The following FAM91A1 variants were observed in gnomAD, a reference collection of about 807,000 sequenced individuals.
The protein encoded by FAM91A1 is family with sequence similarity 91 member A1.
Under a neutral mutation model 113.5 loss-of-function variants are expected in FAM91A1, and 41 were observed. The ratio of observed to expected loss-of-function variants is 0.36; its 90% CI spans 0.28 to 0.47. The LOEUF is 0.47. FAM91A1 is among the 20% of genes least tolerant of loss of function. The pLI, the probability that FAM91A1 is intolerant of heterozygous loss-of-function variation, is 1.00. For synonymous variants in FAM91A1, 307 were observed against 347.9 expected (o/e 0.88, Z 1.31); for missense variants, 696 against 1,001.2 (o/e 0.70, Z 4.11).
chr8:123,769,070 G>T (rs1393282406), intron 1 of FAM91A1, among the ~76,000 whole-genome samples: 1 of 152,182 alleles, frequency 6.6e-6, no homozygotes, highest in African/African-American at 2.4e-5. Flanking sequence ...TTTTAAACAC[G>T]GTCCTTGACC....
rs1815234966 is a variant in FAM91A1, at chr8:123,785,687, A to G, written c.908A>G (p.Asn303Ser). The G allele has an allele frequency of 6.2e-7, 1 of 1,609,150 alleles. No individual in the cohort carries two copies. Among genetic ancestry groups the G allele is most frequent in the African/African-American group, 1.3e-5 (1 of 74,548 alleles). ...GCCCATAAGAAGGGACAAGTAATTA[A>G]TTTGGATCAACTTCATTCATCATGG... Reference protein sequence around the residue: ...GFAHKKGQVINLDQLHSSWKN... With the variant: ...GFAHKKGQVISLDQLHSSWKN... Residue 303 changes from asparagine to serine, a missense_variant, in exon 11 of 24, where the codon AAT becomes AGT. By Grantham distance (46) the Asn-to-Ser change is conservative (BLOSUM62 1). Coordinates refer to ENST00000334705, the MANE Select transcript of FAM91A1 (RefSeq NM_144963.4).
intron 8 of FAM91A1, among the ~76,000 whole-genome samples, chr8:123,783,434 G>T (rs1401099201): frequency 6.6e-6 from 1 of 152,096 alleles, no homozygotes; most frequent in Non-Finnish European, 1.5e-5. Context: ...TAGATGACTA[G>T]AAATATAGGT....
chr8:123,776,730 G>T (rs765201948), intron 3 of FAM91A1, among the ~76,000 whole-genome samples: 1 of 152,114 alleles, frequency 6.6e-6, no homozygotes, highest in East Asian at 1.9e-4. Context: ...GGTAGAAAAC[G>T]GGCCTTATCC....
chr8:123,784,806 A>G, intron 9 of FAM91A1: 2 of 429,936 alleles, frequency 4.7e-6, no homozygotes, highest in Non-Finnish European at 8.0e-6. Flanking sequence ...GTACTAAAGT[A>G]TTGTAGACTA....
At chr8:123,777,803 T>C (rs1310190700) in intron 4 of FAM91A1, among the ~76,000 whole-genome samples, 1 of 152,222 alleles carries the variant, frequency 6.6e-6, no homozygotes, top group Non-Finnish European at 1.5e-5. Flanking sequence ...GACTTCTGCT[T>C]TTTTAAAATG....
At position 123,813,662 on chromosome 8, in the gene FAM91A1, A is replaced by T. The variant is rs1413450736; in HGVS notation, c.*958A>T. ...CTTAAGCAATCTGGATCTTAAATTT[A>T]TGTGAATACTTTTTTAGAAAATGAT... is the stretch of plus-strand genomic sequence containing the variant. On this transcript the variant is annotated 3_prime_UTR_variant, in exon 24 of 24. Transcript: ENST00000334705. 6.6e-6 allele frequency: 1 copy of T among 152,298 alleles called. No individual in the cohort carries two copies. The highest frequency in any genetic ancestry group is 1.5e-5 in the Non-Finnish European group (1 of 68,052). 9.4% of individuals were successfully genotyped at this position (152,298 alleles called of 1,614,324 possible).
Position 123,768,464 on chromosome 8 carries a change from T to C in FAM91A1, c.-239T>C, listed in dbSNP as rs1408241937. On this transcript the variant is annotated 5_prime_UTR_variant, in exon 1 of 24. Transcript: ENST00000334705. The stretch of plus-strand genomic sequence containing the variant: ...AGAGCCATTTCCGGCGGCCCGAAAC[T>C]AGGAAGAAACTTGGAGCTGTTCAGG... The C allele has an allele frequency of 2.3e-6, 1 of 436,874 alleles. No individual in the cohort carries two copies. Among genetic ancestry groups the C allele is most frequent in the South Asian group, 4.6e-5 (1 of 21,634 alleles). 27.1% of individuals were successfully genotyped at this position (436,874 alleles called of 1,614,324 possible).
intron 22 of FAM91A1, 102 bp downstream of exon 22, chr8:123,809,118 G>A: frequency 6.8e-7 from 1 of 1,475,430 alleles, no homozygotes; most frequent in African/African-American, 1.4e-5. Flanking sequence ...CACAGTAATT[G>A]TTCTGTATAT....
intron 19 of FAM91A1, 146 bp downstream of exon 19, chr8:123,805,485 A>G: frequency 3.0e-6 from 2 of 673,666 alleles, no homozygotes. Context: ...GGCAAAAGGT[A>G]GTTTTTTGTC....
chr8:123,780,155 C>A (rs1735378631), intron 7 of FAM91A1, 80 bp downstream of exon 7: 2 of 1,173,160 alleles, frequency 1.7e-6, no homozygotes, highest in South Asian at 2.7e-5. Flanking sequence ...AATTACTTAT[C>A]AAGTAGGTAC....
At chr8:123,784,402 A>G in intron 8 of FAM91A1, 68 bp from the exon 9 acceptor site, 3 of 1,162,820 alleles carry the variant, frequency 2.6e-6, no homozygotes, top group Non-Finnish European at 2.4e-6. Context: ...TTAATTAGAT[A>G]TGTAAATTAT....
Position 123,798,712 on chromosome 8 carries a change from A to G in FAM91A1, c.1560+474A>G, listed in dbSNP as rs116653412. 5.5e-3 allele frequency among the ~76,000 whole-genome samples: 840 copies of G among 152,312 alleles called. 4 individuals carry two copies. The highest frequency in any genetic ancestry group is 0.018 in the African/African-American group (765 of 41,562). On this transcript the variant is annotated intron_variant, in intron 16 of 23. Transcript: ENST00000334705. ...ATATATATCAGTTGTATTCATTTGTATACTTAACAAGGAAGTTGTGGCCTG... is the reference window on the plus strand; with the variant it reads ...ATATATATCAGTTGTATTCATTTGTGTACTTAACAAGGAAGTTGTGGCCTG...
chr8:123,786,238 C>T (rs919904398), intron 11 of FAM91A1: 37 of 400,938 alleles, frequency 9.2e-5, no homozygotes, highest in African/African-American at 7.1e-4. Flanking sequence ...AAGGCTTTTC[C>T]CAGAAAAAAA....
chr8:123,770,048 G>T (rs1486487684), intron 1 of FAM91A1, among the ~76,000 whole-genome samples: 3 of 152,142 alleles, frequency 2.0e-5, no homozygotes, highest in African/African-American at 7.2e-5. Flanking sequence ...TGCTTCTTGG[G>T]TTCAAGCGAT....
intron 3 of FAM91A1, among the ~76,000 whole-genome samples, chr8:123,776,569 C>T (rs1228571262): frequency 1.3e-5 from 2 of 152,194 alleles, no homozygotes; most frequent in Non-Finnish European, 2.9e-5. Context: ...AGAATAGTTA[C>T]TGCTGTCTCT....
At chr8:123,772,625 C>G (rs1814879140) in intron 1 of FAM91A1, among the ~76,000 whole-genome samples, 1 of 152,170 alleles carries the variant, frequency 6.6e-6, no homozygotes, top group African/African-American at 2.4e-5. Context: ...CACCCTTGAA[C>G]AACATGGGTT....
chr8:123,801,715 A>T (rs2130138718), intron 18 of FAM91A1, among the ~76,000 whole-genome samples: 1 of 152,270 alleles, frequency 6.6e-6, no homozygotes, highest in African/African-American at 2.4e-5. Context: ...TTCCTTAGAG[A>T]AAGTGAGACC....
In FAM91A1 at chr8:123,784,453, T is replaced by C; in HGVS notation, c.704-17T>C. On this transcript the variant is annotated splice_polypyrimidine_tract_variant and intron_variant, in intron 8 of 23. Transcript: ENST00000334705. ...AAAATCTGTACCACTGAGAAAAATC[T>C]CTTCTGTTTGTTTTAGTTCCACCTC... The C allele has an allele frequency of 6.4e-7, 1 of 1,570,962 alleles. No individual in the cohort carries two copies. The highest frequency in any genetic ancestry group is 8.7e-7 in the Non-Finnish European group (1 of 1,153,102).
At position 123,806,066 on chromosome 8, in the gene FAM91A1, C is replaced by T. The variant is rs765473979; in HGVS notation, c.1883-14C>T. ...AGAAACTGTTCATTAATGTGATGTC[C>T]GTTCTGTTTGTAGAGTTCACTCGTG... On this transcript the variant is annotated splice_polypyrimidine_tract_variant and intron_variant, in intron 19 of 23. Transcript: ENST00000334705. The T allele has an allele frequency of 5.2e-6, 8 of 1,540,986 alleles. No individual in the cohort carries two copies. Among genetic ancestry groups the T allele is most frequent in the South Asian group, 1.2e-5 (1 of 80,080 alleles).
Sources: gnomAD v4.1 joint callset for allele counts (sites outside exome capture counted in the v4.1 genomes callset) on GRCh38, gnomAD v4.1.1 for gene constraint, MANE v1.5 for transcripts, NCBI Gene and HGNC (gene_info 2026-07-23, HGNC 2026-07-21) for gene names.